Variants in EFCAB7 observed in about 807,000 individuals in gnomAD.
EFCAB7 encodes EF-hand calcium-binding domain-containing protein 7.
Under a neutral mutation model 77.1 loss-of-function variants are expected in EFCAB7, and 66 were observed. The observed-to-expected ratio is 0.86, with a 90% CI of 0.70 to 1.05. The LOEUF (loss-of-function observed/expected upper bound fraction) is 1.05. Among genes scored for constraint, EFCAB7 ranks in the 50% least tolerant of loss-of-function variants. EFCAB7 has a pLI of 0.00. For synonymous variants in EFCAB7, 225 were observed against 243.3 expected (o/e 0.92, Z 0.70); for missense variants, 638 against 730.5 (o/e 0.87, Z 1.46).
Position 63,531,844 on chromosome 1 carries a change from C to T in EFCAB7, c.212C>T (p.Pro71Leu), listed in dbSNP as rs767044561. The change falls in exon 3 of 14, where the codon CCA (proline) becomes CTA (leucine). Residue 71 changes from proline (P) to leucine (L), a missense_variant. Pro to Leu is a moderately conservative substitution (Grantham distance 98). Transcript: ENST00000371088. ...YLALQHAGRN[P>L]SQKTINKYWT... ...GCTCTTCAGCATGCAGGAAGAAATC[C>T]ATCCCAAAAGACCATTAATAAGTAT... 1.2e-6 allele frequency: 2 copies of T among 1,611,602 alleles called. No individual in the cohort carries two copies. The highest frequency in any genetic ancestry group is 1.7e-6 in the Non-Finnish European group (2 of 1,179,106).
chr1:63,562,600 A>G (rs1224575959), intron 11 of EFCAB7, among the ~76,000 whole-genome samples: 16 of 149,322 alleles, frequency 1.1e-4, no homozygotes, highest in East Asian at 2.0e-4. Flanking sequence ...CCTGGGCTCA[A>G]GTAAGCCTCC....
chr1:63,568,106 A>C (rs1027944187), intron 11 of EFCAB7, among the ~76,000 whole-genome samples: 1 of 152,174 alleles, frequency 6.6e-6, no homozygotes, highest in East Asian at 1.9e-4. Flanking sequence ...TTTATTTTCT[A>C]TGAACATTAT....
At chr1:63,562,449 T>TTATA (rs869302346) in intron 11 of EFCAB7, among the ~76,000 whole-genome samples, 1,351 of 21,630 alleles carry the variant, frequency 0.062, 24 homozygotes, top group Non-Finnish European at 0.082. Context: ...CTTAATTTAT[T>TTATA]TATATATATA....
Position 63,531,908 on chromosome 1 carries a change from T to C in EFCAB7, c.276T>C (p.Phe92=). The C allele has an allele frequency of 1.9e-6, 3 of 1,613,274 alleles. No homozygotes were observed. Among genetic ancestry groups the C allele is most frequent in the South Asian group, 2.2e-5 (2 of 91,006 alleles). ...PQTAKLNFDD[F]CIILRKEKPT... Reference sequence around the variant, plus strand: ...CTGCCAAACTGAATTTTGATGATTTTTGTATAATTTTAAGGAAGGAAAAAC... The same window carrying C: ...CTGCCAAACTGAATTTTGATGATTTCTGTATAATTTTAAGGAAGGAAAAAC... The change falls in exon 3 of 14, where the codon TTT becomes TTC. Residue 92 remains phenylalanine (F), a synonymous_variant. Coordinates refer to ENST00000371088, the MANE Select transcript of EFCAB7 (RefSeq NM_032437.4).
At chr1:63,577,175 C>A (rs368389126), downstream of EFCAB7, among the ~76,000 whole-genome samples, 1 of 150,596 alleles carries the variant, frequency 6.6e-6, no homozygotes, top group Non-Finnish European at 1.5e-5. Context: ...TCACCCAATA[C>A]ATTTCTAAAA....
At chr1:63,571,480 C>G (rs1211443075) in intron 13 of EFCAB7, among the ~76,000 whole-genome samples, 1 of 151,818 alleles carries the variant, frequency 6.6e-6, no homozygotes, top group African/African-American at 2.4e-5. Flanking sequence ...TCAAGACCAG[C>G]CTAGCCAACA....
chr1:63,573,259 G>T (rs1478460810), downstream of EFCAB7, among the ~76,000 whole-genome samples: 1 of 152,148 alleles, frequency 6.6e-6, no homozygotes, highest in Non-Finnish European at 1.5e-5. Flanking sequence ...CCTAGAGTGG[G>T]AGAGATTAAG....
chr1:63,568,050 TAAA>T (rs201794075), intron 11 of EFCAB7, among the ~76,000 whole-genome samples: 119 of 152,024 alleles, frequency 7.8e-4, no homozygotes, highest in African/African-American at 2.7e-3. Context: ...TATTATGGTT[TAAA>T]GAAGGTGGTA....
chr1:63,526,670 G>A (rs1354935810), intron 2 of EFCAB7, among the ~76,000 whole-genome samples: 3 of 152,098 alleles, frequency 2.0e-5, no homozygotes, highest in Admixed American at 6.5e-5. Context: ...GTTTAATTTT[G>A]ATTTACATAA....
chr1:63,554,888 A>G (rs957323681), intron 8 of EFCAB7, among the ~76,000 whole-genome samples: 6 of 152,200 alleles, frequency 3.9e-5, no homozygotes, highest in African/African-American at 1.2e-4. Context: ...AATATATTTA[A>G]TTTTTATTTT....
At chr1:63,566,574 T>C (rs575332316) in intron 11 of EFCAB7, among the ~76,000 whole-genome samples, 1 of 152,310 alleles carries the variant, frequency 6.6e-6, no homozygotes, top group Non-Finnish European at 1.5e-5. Flanking sequence ...TCAGTGAATA[T>C]TCAAATATTG....
chr1:63,533,804 A>G (rs1326067799), intron 5 of EFCAB7, among the ~76,000 whole-genome samples, 155 bp downstream of exon 5: 1 of 152,146 alleles, frequency 6.6e-6, no homozygotes, highest in African/African-American at 2.4e-5. Flanking sequence ...GTAAAAATCT[A>G]TTGAAGTAAA....
chr1:63,584,514 C>T, the EFCAB7 span, among the ~76,000 whole-genome samples: 3 of 152,054 alleles, frequency 2.0e-5, no homozygotes, highest in African/African-American at 7.3e-5. Flanking sequence ...ATTGCACCAC[C>T]ACAATCCAGC....
At chr1:63,556,243 A>G (rs1298038177) in intron 9 of EFCAB7, among the ~76,000 whole-genome samples, 1 of 152,200 alleles carries the variant, frequency 6.6e-6, no homozygotes, top group East Asian at 1.9e-4. Flanking sequence ...CTAAGAGAAT[A>G]GATATTAAAT....
intron 9 of EFCAB7, among the ~76,000 whole-genome samples, chr1:63,556,445 C>G (rs570287931): frequency 2.6e-5 from 4 of 152,194 alleles, no homozygotes; most frequent in African/African-American, 9.6e-5. Context: ...TTTTCATTTA[C>G]TTGTGGGTTC....
Position 63,546,049 on chromosome 1 carries a change from A to C in EFCAB7, c.938A>C (p.Gln313Pro). 3.7e-6 allele frequency: 6 copies of C among 1,606,728 alleles called. No homozygotes were observed. The highest frequency in any genetic ancestry group is 5.1e-6 in the Non-Finnish European group (6 of 1,178,424). The stretch of plus-strand genomic sequence containing the variant: ...ACAATTAAGCCATTAAACCTGAGTC[A>C]AGTTGAAGGCAAGTTTAAGTTTTTT... The part of the protein sequence containing the change: ...YLTIKPLNLS[Q>P]VEGKPSPWLS... The change falls in exon 7 of 14, where the codon CAA becomes CCA. Residue 313 changes from glutamine to proline, a missense_variant. Transcript: ENST00000371088.
intron 3 of EFCAB7, among the ~76,000 whole-genome samples, 163 bp downstream of exon 3, chr1:63,532,194 A>G (rs1282821709): frequency 6.6e-6 from 1 of 152,096 alleles, no homozygotes; most frequent in African/African-American, 2.4e-5. Context: ...TCTGGATGAA[A>G]TGTTCTTTGT....
At chr1:63,542,625 T>G (rs1244447660) in intron 6 of EFCAB7, among the ~76,000 whole-genome samples, 1 of 152,210 alleles carries the variant, frequency 6.6e-6, no homozygotes, top group East Asian at 1.9e-4. Context: ...CTTGTCGTTT[T>G]CTGTTTTTTT....
intron 6 of EFCAB7, among the ~76,000 whole-genome samples, chr1:63,535,555 A>G (rs1315457355): frequency 6.6e-6 from 1 of 152,034 alleles, no homozygotes; most frequent in Non-Finnish European, 1.5e-5. Flanking sequence ...TCTTAGCTTT[A>G]TCACTTAATA....
Sources: gnomAD v4.1 joint callset for allele counts (sites outside exome capture counted in the v4.1 genomes callset) on GRCh38, gnomAD v4.1.1 for gene constraint, MANE v1.5 for transcripts, NCBI Gene and HGNC (gene_info 2026-07-23, HGNC 2026-07-21) for gene names.